The following CPNE5 variants were observed in gnomAD, a reference collection of about 807,000 sequenced individuals.
CPNE5 encodes copine-5.
A neutral mutation model predicts 81.1 loss-of-function variants in CPNE5; 42 were observed. The observed-to-expected ratio is 0.52, with a 90% CI of 0.40 to 0.67. CPNE5 has a LOEUF of 0.67. CPNE5 is among the 30% of genes least tolerant of loss of function. CPNE5 has a pLI of 0.00. For missense variants in CPNE5, 612 were observed against 815.5 expected (o/e 0.75, Z 3.04); for synonymous variants, 313 against 321.5 (o/e 0.97, Z 0.28).
intron 12 of CPNE5, 71 bp from the exon 13 acceptor site, chr6:36,756,369 C>T: frequency 2.2e-6 from 3 of 1,333,946 alleles, no homozygotes; most frequent in Non-Finnish European, 3.2e-6. Flanking sequence ...GGGCTTCCAA[C>T]CACCCATGGG....
chr6:36,809,132 A>G (rs1770865272), intron 3 of CPNE5, among the ~76,000 whole-genome samples: 1 of 152,132 alleles, frequency 6.6e-6, no homozygotes, highest in South Asian at 2.1e-4. Flanking sequence ...AGATCAGGTC[A>G]TAATGTGAGT....
rs546715979 is a variant in CPNE5 at position 36,746,894 on chromosome 6, T to A, written c.1019-317A>T. 4.6e-5 allele frequency among the ~76,000 whole-genome samples: 7 copies of A among 152,016 alleles called. No homozygotes were observed. In the East Asian group the frequency reaches 1.4e-3, roughly 29 times the overall value. On this transcript the variant is annotated intron_variant, in intron 15 of 20. Transcript: ENST00000244751. This position sits in a 1 kb window ranked among gnomAD's most constrained non-coding sequence, Gnocchi z 4.5. ...ACTGAGCCTATCCGCCTCAGAGAGA[T>A]CATGCCTCTCCTCTGCCCAAAACGC...
chr6:36,795,920 A>G (rs1769526749), intron 6 of CPNE5, among the ~76,000 whole-genome samples: 1 of 152,030 alleles, frequency 6.6e-6, no homozygotes, highest in Non-Finnish European at 1.5e-5. Context: ...CTCCTCCTCC[A>G]ACATTGCCGT....
intron 11 of CPNE5, among the ~76,000 whole-genome samples, chr6:36,763,989 T>G (rs909975984): frequency 6.6e-6 from 1 of 152,036 alleles, no homozygotes; most frequent in African/African-American, 2.4e-5. Flanking sequence ...CTCCTTTAAC[T>G]TCCCCAGTCA....
At chr6:36,793,921 G>A (rs1184912757) in intron 7 of CPNE5, among the ~76,000 whole-genome samples, 1 of 152,222 alleles carries the variant, frequency 6.6e-6, no homozygotes, top group African/African-American at 2.4e-5. Flanking sequence ...CCCAGTGGGC[G>A]AGTGGGCGTG....
At chr6:36,786,377 T>A (rs1305827201) in intron 8 of CPNE5, among the ~76,000 whole-genome samples, 1 of 152,228 alleles carries the variant, frequency 6.6e-6, no homozygotes, top group Non-Finnish European at 1.5e-5. Context: ...CCTGTCTTTA[T>A]GCATTGACTG....
At chr6:36,816,937 C>A (rs1771595591) in intron 3 of CPNE5, among the ~76,000 whole-genome samples, 1 of 152,302 alleles carries the variant, frequency 6.6e-6, no homozygotes. Flanking sequence ...GGTCACCATG[C>A]CTGTCTAATT....
chr6:36,794,684 G>A, intron 6 of CPNE5, 35 bp from the exon 7 acceptor site: 1 of 1,601,386 alleles, frequency 6.2e-7, no homozygotes, highest in Non-Finnish European at 8.5e-7. Context: ...AGCATGCCAT[G>A]AGCTGAGTAC....
At position 36,774,083 on chromosome 6, in the gene CPNE5, TAAA is replaced by T. The variant is rs71540168; in HGVS notation, c.737+875_737+877del. Among the ~76,000 whole-genome samples the T allele has an allele frequency of 9.1e-3, 1,269 of 139,728 alleles. 13 individuals are homozygous for T. Among genetic ancestry groups the T allele is most frequent in the African/African-American group, 0.032 (1,186 of 37,286 alleles). The allele number at this position is 139,728 out of a possible 152,430, so 91.7% of individuals were successfully genotyped here. On this transcript the variant is annotated intron_variant, in intron 10 of 20. Transcript: ENST00000244751. ...TGAAAGAGTGAAATCCCATCTCAATTAAAAAAAAAAAAAAAATCTGCCAGGCAT... is the reference window on the plus strand; with the variant it reads ...TGAAAGAGTGAAATCCCATCTCAATTAAAAAAAAAAAAATCTGCCAGGCAT...
intron 10 of CPNE5, among the ~76,000 whole-genome samples, chr6:36,767,620 A>G (rs1766676041): frequency 6.8e-6 from 1 of 147,156 alleles, no homozygotes; most frequent in African/African-American, 2.7e-5. Context: ...CTGACCACCA[A>G]CACCAGCCCC....
intron 10 of CPNE5, among the ~76,000 whole-genome samples, chr6:36,771,918 G>A (rs1340233536): frequency 6.6e-6 from 1 of 152,078 alleles, no homozygotes; most frequent in Non-Finnish European, 1.5e-5. Context: ...TCACATTATG[G>A]AAGATCTGCT....
intron 3 of CPNE5, among the ~76,000 whole-genome samples, chr6:36,807,477 C>G (rs912877866): frequency 2.6e-5 from 4 of 152,180 alleles, no homozygotes; most frequent in Admixed American, 1.3e-4. Context: ...TAAGTGATCC[C>G]ACACTCTGGT....
intron 8 of CPNE5, among the ~76,000 whole-genome samples, chr6:36,785,704 T>C (rs1768467426): frequency 6.6e-6 from 1 of 151,866 alleles, no homozygotes; most frequent in Admixed American, 6.6e-5. Flanking sequence ...CCTCCATCTC[T>C]AAAAAAATAA....
intron 9 of CPNE5, among the ~76,000 whole-genome samples, chr6:36,777,678 C>A (rs931212027): frequency 1.3e-5 from 2 of 151,752 alleles, no homozygotes; most frequent in African/African-American, 4.8e-5. Flanking sequence ...TTGTTTTGTA[C>A]GTTCAGGAAA....
At chr6:36,791,876 C>T (rs1769125065) in intron 8 of CPNE5, among the ~76,000 whole-genome samples, 157 bp downstream of exon 8, 1 of 152,130 alleles carries the variant, frequency 6.6e-6, no homozygotes, top group Admixed American at 6.5e-5. Context: ...AAAGGGAAAA[C>T]ACCCACTAGC....
chr6:36,755,067 A>G (rs1460814709), intron 13 of CPNE5: 2 of 152,244 alleles, frequency 1.3e-5, no homozygotes, highest in Non-Finnish European at 2.9e-5. Context: ...GAGTAATTTT[A>G]CAGTTCACAA....
At chr6:36,787,214 C>T (rs79901510) in intron 8 of CPNE5, among the ~76,000 whole-genome samples, 3,362 of 152,198 alleles carry the variant, frequency 0.022, 142 homozygotes, top group African/African-American at 0.078. Flanking sequence ...CCTCATCTTT[C>T]AGGTAGAGAA....
intron 13 of CPNE5, 96 bp downstream of exon 13, chr6:36,756,149 T>C: frequency 1.6e-6 from 1 of 613,570 alleles, no homozygotes; most frequent in Non-Finnish European, 2.7e-6. Context: ...GCTCAGCCCC[T>C]GCACACACAC....
chr6:36,753,020 G>C lies in CPNE5; in HGVS notation c.971+14C>G. Reference sequence around the variant, plus strand: ...CTCCCCAAGGCCCATGAAATTGGCTGTATCTCTTCTCACCCTCCTTTGATG... The same window carrying C: ...CTCCCCAAGGCCCATGAAATTGGCTCTATCTCTTCTCACCCTCCTTTGATG... On this transcript the variant is annotated intron_variant, in intron 14 of 20. Transcript: ENST00000244751. The C allele has an allele frequency of 6.2e-7, 1 of 1,604,806 alleles. No individual in the cohort carries two copies. The highest frequency in any genetic ancestry group is 8.5e-7 in the Non-Finnish European group (1 of 1,172,172).
Sources: gnomAD v4.1 joint callset for allele counts (sites outside exome capture counted in the v4.1 genomes callset) on GRCh38, gnomAD v4.1.1 for gene constraint, Gnocchi (gnomAD v3.1) non-coding constraint, MANE v1.5 for transcripts, NCBI Gene and HGNC (gene_info 2026-07-23, HGNC 2026-07-21) for gene names.